DOCK3: variants seen among roughly 807,000 people sequenced by gnomAD.
DOCK3 encodes dedicator of cytokinesis protein 3.
Under a neutral mutation model 265.6 loss-of-function variants are expected in DOCK3, and 60 were observed. The ratio of observed to expected loss-of-function variants is 0.23; its 90% CI spans 0.18 to 0.28. The LOEUF (loss-of-function observed/expected upper bound fraction) is 0.28. Among genes scored for constraint, DOCK3 ranks in the 10% least tolerant of loss-of-function variants. DOCK3 has a pLI of 1.00. For missense variants in DOCK3, 1,981 were observed against 2,594.3 expected, an observed-to-expected ratio of 0.76 and a Z score of 5.14; for synonymous variants, 881 against 938.0, an observed-to-expected ratio of 0.94 and a Z score of 1.11.
At chr3:50,903,255 G>A (rs552897368) in intron 4 of DOCK3, among the ~76,000 whole-genome samples, 1 of 152,138 alleles carries the variant, frequency 6.6e-6, no homozygotes, top group Non-Finnish European at 1.5e-5. Flanking sequence ...GTTTTCACAG[G>A]TAATGCTTCC....
chr3:51,273,740 A>T (rs1362177503), intron 24 of DOCK3, among the ~76,000 whole-genome samples: 1 of 152,222 alleles, frequency 6.6e-6, no homozygotes, highest in Non-Finnish European at 1.5e-5. Context: ...TCTGAATTTC[A>T]TATGGAACTC....
intron 49 of DOCK3, among the ~76,000 whole-genome samples, chr3:51,367,015 C>T (rs945512078): frequency 6.6e-6 from 1 of 152,156 alleles, no homozygotes; most frequent in African/African-American, 2.4e-5. Context: ...CCGTTTGGTG[C>T]AGAGCTGAGT....
At chr3:50,923,068 C>T (rs1454553106) in intron 4 of DOCK3, among the ~76,000 whole-genome samples, 2 of 152,222 alleles carry the variant, frequency 1.3e-5, no homozygotes, top group Non-Finnish European at 2.9e-5. Context: ...ACTTCAGTCT[C>T]ATCCAGGTTG....
chr3:50,716,305 A>G (rs1319601273), intron 1 of DOCK3, among the ~76,000 whole-genome samples: 1 of 152,130 alleles, frequency 6.6e-6, no homozygotes, highest in East Asian at 1.9e-4. Flanking sequence ...AGGTGGGCGG[A>G]TCACGAAGTC....
intron 3 of DOCK3, among the ~76,000 whole-genome samples, chr3:50,873,406 CT>C (rs1243361632): frequency 6.6e-6 from 1 of 152,166 alleles, no homozygotes; most frequent in African/African-American, 2.4e-5. Context: ...TGTGACTGAG[CT>C]GGTATCCAAG....
chr3:51,237,490 G>A lies in DOCK3; in HGVS notation c.2002G>A (p.Val668Met), dbSNP rs369711717. 6.2e-7 allele frequency: 1 copy of A among 1,612,930 alleles called. No homozygotes were observed. Among genetic ancestry groups the A allele is most frequent in the African/African-American group, 1.3e-5 (1 of 74,874 alleles). ...KYGLLVFQSLVFIINLLRDIK... is the reference protein window; with the variant it reads ...KYGLLVFQSLMFIINLLRDIK... The stretch of plus-strand genomic sequence containing the variant: ...ATGGCTTACTCTCCATATCTCCCAG[G>A]TGTTCATCATCAACCTGCTCCGAGA... The change falls in exon 21 of 53, where the codon GTG becomes ATG. Residue 668 changes from valine to methionine, a missense_variant and splice_region_variant. By Grantham distance (21) the Val-to-Met change is conservative (BLOSUM62 1). Around this residue, in one of 4 missense-constraint regions of DOCK3, gnomAD observed 1,357 missense variants for 1,866.8 expected, o/e 0.73. Transcript: ENST00000266037.
chr3:51,208,922 C>A, intron 13 of DOCK3, 60 bp downstream of exon 13: 3 of 1,489,290 alleles, frequency 2.0e-6, no homozygotes, highest in Non-Finnish European at 2.8e-6. Flanking sequence ...ACTCATACAG[C>A]ACTTAGATTG....
intron 1 of DOCK3, among the ~76,000 whole-genome samples, chr3:50,734,317 A>C (rs2108155169): frequency 6.6e-6 from 1 of 152,182 alleles, no homozygotes; most frequent in Non-Finnish European, 1.5e-5. Context: ...AGCCTGGGCA[A>C]CATAGACCCC....
At chr3:50,918,525 T>G (rs1419027015) in intron 4 of DOCK3, among the ~76,000 whole-genome samples, 3 of 152,188 alleles carry the variant, frequency 2.0e-5, no homozygotes, top group Admixed American at 2.0e-4. Flanking sequence ...AATGAGCCTT[T>G]TTTCATGTGT....
At chr3:50,826,175 C>CT (rs879517047) in intron 2 of DOCK3, among the ~76,000 whole-genome samples, 30 of 145,710 alleles carry the variant, frequency 2.1e-4, no homozygotes, top group African/African-American at 1.5e-4. Context: ...GTTGCTAAGC[C>CT]TTTTTTTTTT....
intron 2 of DOCK3, among the ~76,000 whole-genome samples, chr3:50,828,633 G>C (rs978551506): frequency 7.3e-5 from 11 of 151,580 alleles, no homozygotes; most frequent in African/African-American, 2.7e-4. Context: ...TCAAACTCCT[G>C]ACCTCAGGTG....
intron 12 of DOCK3, among the ~76,000 whole-genome samples, chr3:51,205,907 C>T (rs1051416333): frequency 1.3e-5 from 2 of 152,172 alleles, no homozygotes; most frequent in Non-Finnish European, 2.9e-5. Flanking sequence ...AGAGTTCAGT[C>T]TTGGCAATCT....
At chr3:51,272,509 G>A (rs1388862782) in intron 24 of DOCK3, among the ~76,000 whole-genome samples, 3 of 146,548 alleles carry the variant, frequency 2.0e-5, no homozygotes, top group Admixed American at 1.4e-4. Flanking sequence ...GGCTGGTCTC[G>A]AATTCCTGAC....
At chr3:51,246,661 C>T (rs2078855998) in intron 21 of DOCK3, 65 bp from the exon 22 acceptor site, 9 of 1,447,050 alleles carry the variant, frequency 6.2e-6, no homozygotes, top group Middle Eastern at 1.7e-4. Context: ...TTCAGGGCTA[C>T]AGATGTTTCA....
intron 7 of DOCK3, among the ~76,000 whole-genome samples, chr3:51,082,296 C>T (rs2109451244): frequency 6.6e-6 from 1 of 152,098 alleles, no homozygotes; most frequent in South Asian, 2.1e-4. Flanking sequence ...GGGTCCAACA[C>T]ACCCGAATCT....
At chr3:51,222,317 C>G (rs897005665) in intron 14 of DOCK3, among the ~76,000 whole-genome samples, 1 of 152,152 alleles carries the variant, frequency 6.6e-6, no homozygotes, top group South Asian at 2.1e-4. Flanking sequence ...TTTGTGAACA[C>G]GTAACATGCA....
At chr3:50,788,466 GTAT>G (rs780251397) in intron 2 of DOCK3, among the ~76,000 whole-genome samples, 28 of 152,230 alleles carry the variant, frequency 1.8e-4, no homozygotes, top group Non-Finnish European at 2.8e-4. Context: ...AAAAGGTTTG[GTAT>G]TATGGCAAGA....
chr3:51,248,756 C>T (rs1481299171), intron 22 of DOCK3, among the ~76,000 whole-genome samples: 15 of 151,598 alleles, frequency 9.9e-5, no homozygotes, highest in African/African-American at 3.6e-4. Context: ...AGGAGCGCCT[C>T]TTCCCGGCCG....
intron 32 of DOCK3, among the ~76,000 whole-genome samples, chr3:51,324,578 T>C (rs1374507561): frequency 6.6e-6 from 1 of 152,184 alleles, no homozygotes; most frequent in Non-Finnish European, 1.5e-5. Context: ...TTAAATTTCA[T>C]ATGGAACCAA....
Sources: gnomAD v4.1 joint callset for allele counts (sites outside exome capture counted in the v4.1 genomes callset) on GRCh38, gnomAD v4.1.1 for gene constraint, gnomAD v4.1.1 regional missense constraint, MANE v1.5 for transcripts, NCBI Gene and HGNC (gene_info 2026-07-23, HGNC 2026-07-21) for gene names.